UBAP2: variants seen among roughly 807,000 people sequenced by gnomAD.
The protein encoded by UBAP2 is ubiquitin-associated protein 2.
A neutral mutation model predicts 139.6 loss-of-function variants in UBAP2; 75 were observed. The observed-to-expected ratio is 0.54, with a 90% CI of 0.45 to 0.65. UBAP2 has a LOEUF of 0.65. UBAP2 is among the 30% of genes least tolerant of loss of function. The probability of loss-of-function intolerance (pLI) is 0.00; values close to 1 mark genes in which losing one functional copy is unlikely to be tolerated. For synonymous variants in UBAP2, 526 were observed against 526.2 expected, an observed-to-expected ratio of 1.00 and a Z score of 0.01; for missense variants, 1,368 against 1,369.6, an observed-to-expected ratio of 1.00 and a Z score of 0.02.
intron 5 of UBAP2, among the ~76,000 whole-genome samples, chr9:33,987,282 C>A (rs546497122): frequency 1.3e-5 from 2 of 151,948 alleles, no homozygotes; most frequent in Admixed American, 6.6e-5. Context: ...TGTGGTGGCG[C>A]GCACCTATAG....
At chr9:33,973,275 T>G (rs1828047808) in intron 6 of UBAP2, 38 bp from the exon 7 acceptor site, 1 of 1,591,810 alleles carries the variant, frequency 6.3e-7, no homozygotes, top group South Asian at 1.1e-5. Context: ...AAAATAATAC[T>G]TATGTCCTAC....
rs34270173 is a variant in UBAP2 at position 34,041,298 on chromosome 9, C to CAA, written c.-42+7525_-42+7526dup. On this transcript the variant is annotated intron_variant, in intron 1 of 28. Transcript: ENST00000379238. ...TGAACCCACAGCTCTACTAAAAATG[C>CAA]AAAAAAAAAAAAAAAAATTAGCCAG... 6.0e-4 allele frequency among the ~76,000 whole-genome samples: 81 copies of CAA among 134,216 alleles called. 1 individual carries two copies. The highest frequency in any genetic ancestry group is 1.1e-3 in the African/African-American group (38 of 36,166). The allele number at this position is 134,216 out of a possible 152,430, so 88.1% of individuals were successfully genotyped here.
rs1825824041 is a variant in UBAP2, at chr9:33,948,430, G to T, written c.1214C>A (p.Thr405Asn). ...TGGGGGCTTGAGGTCCCAAGAAGTA[G>T]TAGTTGTAGGGTGACTTGTACTATT... ...QQNSTSHPTTTTSWDLKPPTS... is the reference protein window; with the variant it reads ...QQNSTSHPTTNTSWDLKPPTS... The change falls in exon 13 of 29, where the codon ACT becomes AAT. Residue 405 changes from threonine to asparagine, a missense_variant. Physicochemically the swap from Thr to Asn is moderately conservative, Grantham distance 65 (BLOSUM62 0). Transcript: ENST00000379238. 1.5e-5 allele frequency: 24 copies of T among 1,613,944 alleles called. No individual in the cohort carries two copies. Among genetic ancestry groups the T allele is most frequent in the Non-Finnish European group, 1.9e-5 (23 of 1,179,866 alleles).
chr9:33,951,509 G>C (rs1826107270), intron 12 of UBAP2, among the ~76,000 whole-genome samples: 1 of 151,784 alleles, frequency 6.6e-6, no homozygotes, highest in South Asian at 2.1e-4. Flanking sequence ...ACTACGCCTG[G>C]CTAATTTTTG....
At chr9:33,958,325 G>A (rs551217203) in intron 10 of UBAP2, among the ~76,000 whole-genome samples, 22 of 151,812 alleles carry the variant, frequency 1.4e-4, no homozygotes, top group South Asian at 1.2e-3. Context: ...AAATTAAATC[G>A]ATTTACGAAA....
At chr9:33,945,264 C>T (rs553378647) in intron 13 of UBAP2, among the ~76,000 whole-genome samples, 68 of 152,110 alleles carry the variant, frequency 4.5e-4, no homozygotes, top group Admixed American at 2.7e-3. Context: ...TTTGGGAGGC[C>T]GAGGCAGGCA....
chr9:34,047,427 A>G (rs1343474527), intron 1 of UBAP2, among the ~76,000 whole-genome samples: 1 of 152,164 alleles, frequency 6.6e-6, no homozygotes, highest in Non-Finnish European at 1.5e-5. Flanking sequence ...CCCTTTCCTG[A>G]GGTAAAAGGG....
intron 16 of UBAP2, among the ~76,000 whole-genome samples, chr9:33,938,345 G>C (rs1824782276): frequency 6.6e-6 from 1 of 151,870 alleles, no homozygotes; most frequent in South Asian, 2.1e-4. Flanking sequence ...TGCTTAGGCT[G>C]GTCTCAAACT....
At chr9:33,949,538 A>G (rs937793311) in intron 12 of UBAP2, among the ~76,000 whole-genome samples, 1 of 152,156 alleles carries the variant, frequency 6.6e-6, no homozygotes, top group Non-Finnish European at 1.5e-5. Context: ...CCCCGTCTCT[A>G]CTAAAAATAC....
intron 22 of UBAP2, among the ~76,000 whole-genome samples, chr9:33,925,283 G>A (rs937155040): frequency 5.3e-5 from 8 of 152,218 alleles, no homozygotes; most frequent in Non-Finnish European, 8.8e-5. Flanking sequence ...CCCGGAAGAG[G>A]CAGAGCTGGG....
intron 17 of UBAP2, among the ~76,000 whole-genome samples, chr9:33,933,876 T>C (rs1824221080): frequency 6.6e-6 from 1 of 152,214 alleles, no homozygotes. Context: ...ATGACACCTT[T>C]ATAACCCAAC....
chr9:33,958,190 G>A (rs969667554), intron 10 of UBAP2, among the ~76,000 whole-genome samples: 1 of 151,882 alleles, frequency 6.6e-6, no homozygotes, highest in Non-Finnish European at 1.5e-5. Context: ...TTGATCTCTT[G>A]GGCTCAAGCG....
intron 1 of UBAP2, among the ~76,000 whole-genome samples, chr9:34,040,047 T>C (rs906461932): frequency 1.7e-4 from 25 of 151,292 alleles, no homozygotes; most frequent in African/African-American, 6.1e-4. Context: ...TAATCCCAGC[T>C]ACTTGGGAGG....
chr9:34,034,455 A>G (rs1826153835), intron 1 of UBAP2, among the ~76,000 whole-genome samples: 2 of 152,240 alleles, frequency 1.3e-5, no homozygotes, highest in Admixed American at 1.3e-4. Flanking sequence ...AAGTCATGCC[A>G]TCCATTTAAA....
intron 4 of UBAP2, chr9:33,994,921 T>C (rs1468583466): frequency 6.6e-6 from 1 of 152,230 alleles, no homozygotes; most frequent in Non-Finnish European, 1.5e-5. Flanking sequence ...AGACTTCAAT[T>C]AAATCTGAAC....
In UBAP2 at chr9:33,926,878, T is replaced by A. The variant is rs1823480366; in HGVS notation, c.2463+111A>T. On this transcript the variant is annotated intron_variant, in intron 21 of 28. Coordinates refer to ENST00000379238, the MANE Select transcript of UBAP2 (RefSeq NM_001370062.2). ...GGGCAGAGACGGGGGTGCTCAGGGA[T>A]GGAAGGGCAGCTCAAGGTGGGCAAC... The A allele has an allele frequency of 1.9e-5, 21 of 1,130,942 alleles. 1 individual carries two copies. In the South Asian group the frequency reaches 2.7e-4, roughly 14 times the overall value. 70.1% of individuals were successfully genotyped at this position (1,130,942 alleles called of 1,614,324 possible).
At chr9:33,975,451 A>G (rs1176180340) in intron 6 of UBAP2, among the ~76,000 whole-genome samples, 1 of 150,160 alleles carries the variant, frequency 6.7e-6, no homozygotes, top group Non-Finnish European at 1.5e-5. Context: ...AAAACAAAAA[A>G]AAAACCAAGT....
chr9:33,923,121 G>T, intron 26 of UBAP2, 65 bp downstream of exon 26: 1 of 1,612,134 alleles, frequency 6.2e-7, no homozygotes, highest in Admixed American at 1.7e-5. Context: ...TGCCCTGCCT[G>T]AGAGGGGATC....
Position 33,923,844 on chromosome 9 carries a change from G to C in UBAP2, c.2747C>G (p.Pro916Arg), listed in dbSNP as rs1564013354. Residue 916 changes from proline (P) to arginine (R), a missense_variant, in exon 24 of 29, where the codon CCC (proline) becomes CGC (arginine). By Grantham distance (103) the Pro-to-Arg change is moderately radical (BLOSUM62 -2). Transcript: ENST00000379238. The stretch of plus-strand genomic sequence containing the variant: ...GGCACTGGGCATGCCTGTGTAGTAG[G>C]GAAGACCAGTGTAGCTATAGCCAGG... ...LPPGYSYTGL[P>R]YYTGMPSAFQ... 1 of 1,614,182 alleles carries C rather than the reference G, an allele frequency of 6.2e-7. No homozygotes were observed. Among genetic ancestry groups the C allele is most frequent in the Non-Finnish European group, 8.5e-7 (1 of 1,180,030 alleles).
Sources: allele counts gnomAD v4.1 joint callset (sites outside exome capture counted in the v4.1 genomes callset), GRCh38; gene constraint gnomAD v4.1.1; transcripts MANE v1.5; gene names NCBI Gene and HGNC (gene_info 2026-07-23, HGNC 2026-07-21).